Variants in ADAMTSL4 observed in about 807,000 individuals in gnomAD.
ADAMTSL4 encodes ADAMTS-like protein 4.
Under a neutral mutation model 122.8 loss-of-function variants are expected in ADAMTSL4, and 97 were observed. The ratio of observed to expected loss-of-function variants is 0.79; its 90% confidence interval spans 0.67 to 0.93. The LOEUF (loss-of-function observed/expected upper bound fraction) is 0.93, where lower values mean the gene tolerates loss of function less well. ADAMTSL4 is among the 40% of genes least tolerant of loss of function. The pLI, the probability that ADAMTSL4 is intolerant of heterozygous loss-of-function variation, is 0.00. For missense variants in ADAMTSL4, 1,408 were observed against 1,453.5 expected (o/e 0.97, Z 0.51); for synonymous variants, 592 against 568.0 (o/e 1.04, Z -0.60).
intron 2 of ADAMTSL4, chr1:150,551,070 G>T: frequency 2.2e-6 from 1 of 450,644 alleles, no homozygotes; most frequent in South Asian, 1.6e-5. Context: ...AGAAGAAGGG[G>T]GCAAAGAGAG....
chr1:150,555,710 TGCACACAC>T (rs1560293554), intron 8 of ADAMTSL4, 145 bp downstream of exon 8: 9 of 1,170,084 alleles, frequency 7.7e-6, no homozygotes, highest in East Asian at 2.6e-5. Context: ...CACAGACACA[TGCACACAC>T]GCACACACAC....
chr1:150,560,252 CG>C lies in ADAMTSL4; in HGVS notation c.*58del. ...GTGCCACCATCGGTCACCCATTGAT[CG>C]GCCCACTCTGAACCCCCTGGCTCTC... On this transcript the variant is annotated 3_prime_UTR_variant, in exon 19 of 19. Coordinates refer to ENST00000271643, the MANE Select transcript of ADAMTSL4 (RefSeq NM_019032.6). 1 of 1,608,188 alleles carries C rather than the reference CG, an allele frequency of 6.2e-7. No homozygotes were observed.
chr1:150,556,931 C>G lies in ADAMTSL4; in HGVS notation c.1750-8C>G. ...CCCCACATATTCATTATCTTCTCTT[C>G]TCCCCAGATGATCTTTCAGGAGGAA... On this transcript the variant is annotated splice_region_variant and splice_polypyrimidine_tract_variant and intron_variant, in intron 10 of 18. Transcript: ENST00000271643. The surrounding 1 kb of genome is among the most constrained non-coding windows in gnomAD (Gnocchi z 4.1). 6.2e-7 allele frequency: 1 copy of G among 1,612,890 alleles called. No individual in the cohort carries two copies. Among genetic ancestry groups the G allele is most frequent in the Non-Finnish European group, 8.5e-7 (1 of 1,178,884 alleles).
chr1:150,555,621 GC>G, intron 8 of ADAMTSL4, 56 bp downstream of exon 8: 3 of 1,572,884 alleles, frequency 1.9e-6, no homozygotes, highest in Non-Finnish European at 2.6e-6. Flanking sequence ...ACAGACACAT[GC>G]CCCCATATGC....
In ADAMTSL4 at chr1:150,552,970, G is replaced by A; in HGVS notation, c.151G>A (p.Val51Ile). Residue 51 changes from valine (V) to isoleucine (I), a missense_variant, in exon 5 of 19, where the codon GTC (valine) becomes ATC (isoleucine). By Grantham distance (29) the Val-to-Ile change is conservative (BLOSUM62 3). Coordinates refer to ENST00000271643, the MANE Select transcript of ADAMTSL4 (RefSeq NM_019032.6). The surrounding 1 kb of genome is among the most constrained non-coding windows in gnomAD (Gnocchi z 4.0). ...QGPEGVWGPW[V>I]QWASCSQPCG... ...CCCCGAAGGTGTCTGGGGACCTTGG[G>A]TCCAGTGGGCCTCTTGCTCCCAGCC... 6.2e-7 allele frequency: 1 copy of A among 1,613,212 alleles called. No individual in the cohort carries two copies. The highest frequency in any genetic ancestry group is 8.5e-7 in the Non-Finnish European group (1 of 1,179,978).
At chr1:150,551,640 T>G (rs1453153285) in intron 2 of ADAMTSL4, 2 of 156,652 alleles carry the variant, frequency 1.3e-5, no homozygotes, top group African/African-American at 4.8e-5. Context: ...GGCTCACACC[T>G]GTCATCCCAG....
At chr1:150,558,850 A>G (rs1167489304) in intron 15 of ADAMTSL4, 112 bp from the exon 16 acceptor site, 6 of 1,537,806 alleles carry the variant, frequency 3.9e-6, no homozygotes, top group East Asian at 2.4e-5. Flanking sequence ...ACCCGGGGAC[A>G]TTCCCAACCA....
Position 150,559,783 on chromosome 1 carries a change from G to A in ADAMTSL4, c.2966G>A (p.Gly989Glu), listed in dbSNP as rs1467348471. 3 of 1,614,012 alleles carry A rather than the reference G, an allele frequency of 1.9e-6. No homozygotes were observed. Among genetic ancestry groups the A allele is most frequent in the Non-Finnish European group, 2.5e-6 (3 of 1,180,004 alleles). The change falls in exon 18 of 19, where the codon GGA becomes GAA. Residue 989 changes from glycine to glutamate, a missense_variant. Gly to Glu is a moderately conservative substitution (Grantham distance 98). Transcript: ENST00000271643. This position sits in a 1 kb window ranked among gnomAD's most constrained non-coding sequence, Gnocchi z 4.1. ...CAGTGTTCTCGCTCCTGCCAAGGGGGAACGCAGACACGGGAGGTCCAGTGC... is the reference window on the plus strand; with the variant it reads ...CAGTGTTCTCGCTCCTGCCAAGGGGAAACGCAGACACGGGAGGTCCAGTGC... ...WSPCSRSCQG[G>E]TQTREVQCLS...
In ADAMTSL4 at chr1:150,553,905, T is replaced by A. The variant is rs2101583503; in HGVS notation, c.914T>A (p.Val305Asp). Residue 305 changes from valine to aspartate, a missense_variant, in exon 6 of 19, where the codon GTC becomes GAC. Coordinates refer to ENST00000271643, the MANE Select transcript of ADAMTSL4 (RefSeq NM_019032.6). ...AGACGCCCTGATCCTTTTCCTTCGG[T>A]CCCTCGGGGCCGAGGCCAGCAGGGC... ...AGRRPDPFPS[V>D]PRGRGQQGQG... 6.2e-7 allele frequency: 1 copy of A among 1,612,924 alleles called. No individual in the cohort carries two copies. The highest frequency in any genetic ancestry group is 2.2e-5 in the East Asian group (1 of 44,848).
chr1:150,550,552 A>G, intron 2 of ADAMTSL4: 1 of 372,840 alleles, frequency 2.7e-6, no homozygotes. Flanking sequence ...AGAGGGCATG[A>G]AGAGGGGTCG....
In ADAMTSL4 at chr1:150,554,361, G is replaced by T. The variant is rs367543737; in HGVS notation, c.1132-4G>T. On this transcript the variant is annotated splice_polypyrimidine_tract_variant and splice_region_variant and intron_variant, in intron 6 of 18. Transcript: ENST00000271643. This position sits in a 1 kb window ranked among gnomAD's most constrained non-coding sequence, Gnocchi z 4.0. Reference sequence around the variant, plus strand: ...CTCTGACTCCTTTGTACCCCTCACCGCAGCCCTGCCCCCCTGAGCAGCCAG... The same window carrying T: ...CTCTGACTCCTTTGTACCCCTCACCTCAGCCCTGCCCCCCTGAGCAGCCAG... 1.9e-6 allele frequency: 3 copies of T among 1,611,762 alleles called. No homozygotes were observed. The highest frequency in any genetic ancestry group is 2.5e-6 in the Non-Finnish European group (3 of 1,179,462).
In ADAMTSL4 at chr1:150,554,350, T is replaced by G. The variant is rs372010340; in HGVS notation, c.1132-15T>G. On this transcript the variant is annotated splice_polypyrimidine_tract_variant and intron_variant, in intron 6 of 18. Transcript: ENST00000271643. This position sits in a 1 kb window ranked among gnomAD's most constrained non-coding sequence, Gnocchi z 4.0. ...TTGCTCCCCAGCTCTGACTCCTTTG[T>G]ACCCCTCACCGCAGCCCTGCCCCCC... The G allele has an allele frequency of 6.2e-7, 1 of 1,609,798 alleles. No individual in the cohort carries two copies. Among genetic ancestry groups the G allele is most frequent in the African/African-American group, 1.3e-5 (1 of 74,708 alleles).
intron 8 of ADAMTSL4, chr1:150,555,937 T>C (rs1233907384): frequency 4.8e-6 from 3 of 618,936 alleles, no homozygotes; most frequent in East Asian, 5.5e-5. Flanking sequence ...CTGAGATCAC[T>C]GAGGGAGAAT....
rs779560960 is a variant in ADAMTSL4 at position 150,559,033 on chromosome 1, G to A, written c.2631G>A (p.Gly877=). 1.9e-6 allele frequency: 3 copies of A among 1,612,226 alleles called. No homozygotes were observed. Among genetic ancestry groups the A allele is most frequent in the Admixed American group, 1.7e-5 (1 of 59,964 alleles). The change falls in exon 16 of 19, where the codon GGG becomes GGA. Residue 877 remains glycine, a synonymous_variant. Coordinates refer to ENST00000271643, the MANE Select transcript of ADAMTSL4 (RefSeq NM_019032.6). The surrounding 1 kb of genome is among the most constrained non-coding windows in gnomAD (Gnocchi z 4.1). ...GCCTTGGGAGTGGGGCAGCCCTCGG[G>A]CCAGGCCAGGGGGAAGCAGGAGCAG... The part of the protein sequence containing the change: ...VVCLGSGAAL[G]PGQGEAGAGT...
chr1:150,552,252 C>G lies in ADAMTSL4; in HGVS notation c.-37C>G. On this transcript the variant is annotated 5_prime_UTR_variant, in exon 3 of 19. Coordinates refer to ENST00000271643, the MANE Select transcript of ADAMTSL4 (RefSeq NM_019032.6). The surrounding 1 kb of genome is among the most constrained non-coding windows in gnomAD (Gnocchi z 4.0). ...GCCTGCGTAGTTTTTGTGACCAGTC[C>G]GCTCCTGCCTCCCCCTGGGGCAGTA... 1 of 1,549,534 alleles carries G rather than the reference C, an allele frequency of 6.5e-7. No individual in the cohort carries two copies. The highest frequency in any genetic ancestry group is 8.7e-7 in the Non-Finnish European group (1 of 1,145,592).
At chr1:150,550,516 T>A in intron 2 of ADAMTSL4, 1 of 368,854 alleles carries the variant, frequency 2.7e-6, no homozygotes, top group Non-Finnish European at 5.4e-6. Context: ...AGAAGAGATC[T>A]CGGTGGCAGA....
rs751959205 is a variant in ADAMTSL4, at chr1:150,556,159, C to T, written c.1372-3C>T. 3.3e-5 allele frequency: 54 copies of T among 1,613,858 alleles called. No individual in the cohort carries two copies. The highest frequency in any genetic ancestry group is 4.6e-5 in the Non-Finnish European group (54 of 1,179,968). ...GGCCACTGCCTCACCTCACTCTCTCCAGAGCCCCGGCTGTGATGGGATCCT... is the reference window on the plus strand; with the variant it reads ...GGCCACTGCCTCACCTCACTCTCTCTAGAGCCCCGGCTGTGATGGGATCCT... On this transcript the variant is annotated splice_region_variant and splice_polypyrimidine_tract_variant and intron_variant, in intron 8 of 18. Coordinates refer to ENST00000271643, the MANE Select transcript of ADAMTSL4 (RefSeq NM_019032.6). This position sits in a 1 kb window ranked among gnomAD's most constrained non-coding sequence, Gnocchi z 4.1.
Position 150,554,304 on chromosome 1 carries a change from AGCCCT to A in ADAMTSL4, c.1132-56_1132-52del, listed in dbSNP as rs1015918624. 34 of 1,550,972 alleles carry A rather than the reference AGCCCT, an allele frequency of 2.2e-5. No individual in the cohort carries two copies. In the African/African-American group the frequency reaches 4.5e-4, roughly 20 times the overall value. On this transcript the variant is annotated intron_variant, in intron 6 of 18. Transcript: ENST00000271643. The surrounding 1 kb of genome is among the most constrained non-coding windows in gnomAD (Gnocchi z 4.0). ...AGCCTCCCACCTGCTCCCCAGGTTC[AGCCCT>A]GCCCCTACCCTCATTTTGCTCCCCA...
At position 150,559,101 on chromosome 1, in the gene ADAMTSL4, T is replaced by C. The variant is rs756581650; in HGVS notation, c.2699T>C (p.Met900Thr). 7 of 1,612,880 alleles carry C rather than the reference T, an allele frequency of 4.3e-6. No homozygotes were observed. Among genetic ancestry groups the C allele is most frequent in the African/African-American group, 1.3e-5 (1 of 75,030 alleles). Residue 900 changes from methionine to threonine, a missense_variant, in exon 16 of 19, where the codon ATG (methionine) becomes ACG (threonine). Met to Thr is a moderately conservative substitution (Grantham distance 81). Coordinates refer to ENST00000271643, the MANE Select transcript of ADAMTSL4 (RefSeq NM_019032.6). This position sits in a 1 kb window ranked among gnomAD's most constrained non-coding sequence, Gnocchi z 4.1. ...SCPTGSRPPD[M>T]RACSLGPCER... ...CCAACAGGAAGCCGGCCCCCTGACA[T>C]GCGCGCCTGCAGCCTGGGGCCCTGT... is the stretch of plus-strand genomic sequence containing the variant.
Sources: allele counts gnomAD v4.1 joint callset, GRCh38; gene constraint gnomAD v4.1.1; non-coding constraint Gnocchi (gnomAD v3.1); transcripts MANE v1.5; gene names NCBI Gene and HGNC (gene_info 2026-07-23, HGNC 2026-07-21).